NATD1: variants seen among roughly 807,000 people sequenced by gnomAD.
NATD1 encodes N-acetyltransferase domain containing 1.
In NATD1, 9 loss-of-function variants were observed where a neutral mutation model predicts 12.0. The observed-to-expected ratio is 0.75, with a 90% confidence interval of 0.45 to 1.30. The LOEUF (loss-of-function observed/expected upper bound fraction) is 1.30. Among genes scored for constraint, NATD1 ranks in the 50% most tolerant of loss-of-function variants. The probability of loss-of-function intolerance (pLI) is 0.00; values close to 1 mark genes in which losing one functional copy is unlikely to be tolerated. For missense variants in NATD1, 148 were observed against 148.5 expected (o/e 1.00, Z 0.02); for synonymous variants, 71 against 65.9 (o/e 1.08, Z -0.37).
At chr17:21,243,933 G>A (rs1463852438) in intron 2 of NATD1, among the ~76,000 whole-genome samples, 173 bp downstream of exon 2, 1 of 152,144 alleles carries the variant, frequency 6.6e-6, no homozygotes, top group African/African-American at 2.4e-5. Flanking sequence ...GCTCAGCCAC[G>A]CCAGGGTCTT....
intron 1 of NATD1, among the ~76,000 whole-genome samples, chr17:21,246,640 T>C (rs1389429758): frequency 6.6e-6 from 1 of 152,018 alleles, no homozygotes; most frequent in African/African-American, 2.4e-5. Context: ...TGAGATATGA[T>C]TGTTATCACT....
At position 21,253,372 on chromosome 17, in the gene NATD1, G is replaced by T; in HGVS notation, c.-108C>A. 3.4e-6 allele frequency: 1 copy of T among 298,044 alleles called. No individual in the cohort carries two copies. The highest frequency in any genetic ancestry group is 4.9e-6 in the Non-Finnish European group (1 of 203,270). The allele number at this position is 298,044 out of a possible 1,614,324, so 18.5% of individuals were successfully genotyped here. A position where few individuals can be genotyped will look rare whatever the true frequency, so the allele number is the denominator to read the frequency against. ...GGCGCAGGCGGCAGGCGGTGGGGTA[G>T]TTACGGCCTGGGAGACCGCAGGCGG... is the stretch of plus-strand genomic sequence containing the variant. On this transcript the variant is annotated 5_prime_UTR_variant, in exon 1 of 3. Coordinates refer to ENST00000611551, the MANE Select transcript of NATD1 (RefSeq NM_152914.3).
chr17:21,252,718 C>A (rs1975389123), intron 1 of NATD1, among the ~76,000 whole-genome samples: 1 of 152,132 alleles, frequency 6.6e-6, no homozygotes, highest in African/African-American at 2.4e-5. Flanking sequence ...GGGGACAGGT[C>A]ACGGCTGACC....
intron 1 of NATD1, among the ~76,000 whole-genome samples, chr17:21,247,243 G>A (rs1265442270): frequency 6.6e-6 from 1 of 152,240 alleles, no homozygotes; most frequent in African/African-American, 2.4e-5. Context: ...AGACACCCAA[G>A]AAATGTTTGT....
chr17:21,245,629 C>T (rs74587890), intron 1 of NATD1, among the ~76,000 whole-genome samples: 78 of 152,316 alleles, frequency 5.1e-4, no homozygotes, highest in African/African-American at 1.4e-3. Context: ...ATCCAAGTCA[C>T]ACAGCAGGCC....
At chr17:21,243,545 C>T in intron 2 of NATD1, 116 bp from the exon 3 acceptor site, 1 of 717,962 alleles carries the variant, frequency 1.4e-6, no homozygotes. Flanking sequence ...TTGCCCAGGT[C>T]AGTAACTCCC....
chr17:21,253,297 G>A lies in NATD1; in HGVS notation c.-33C>T. 8 of 927,058 alleles carry A rather than the reference G, an allele frequency of 8.6e-6. No homozygotes were observed. Among genetic ancestry groups the A allele is most frequent in the Non-Finnish European group, 1.0e-5 (8 of 777,692 alleles). 57.4% of individuals were successfully genotyped at this position (927,058 alleles called of 1,614,324 possible). On this transcript the variant is annotated 5_prime_UTR_variant, in exon 1 of 3. Coordinates refer to ENST00000611551, the MANE Select transcript of NATD1 (RefSeq NM_152914.3). Reference sequence around the variant, plus strand: ...CGGGGCTGCGGCGCGGCGCCGGCGGGGGCCGGGGCGCGCGGGGAAAGGTCA... The same window carrying A: ...CGGGGCTGCGGCGCGGCGCCGGCGGAGGCCGGGGCGCGCGGGGAAAGGTCA...
chr17:21,253,252 C>G lies in NATD1; in HGVS notation c.13G>C (p.Ala5Pro). Reference sequence around the variant, plus strand: ...AGCGCGCCCAGCGGCACGGCGGCAGCCGAGTGCGCCATCTGCGCGCGGGGC... The same window carrying G: ...AGCGCGCCCAGCGGCACGGCGGCAGGCGAGTGCGCCATCTGCGCGCGGGGC... MAHS[A>P]AAVPLGALEQ... Residue 5 changes from alanine (A) to proline (P), a missense_variant, in exon 1 of 3, where the codon GCT (alanine) becomes CCT (proline). Ala to Pro is a conservative substitution (Grantham distance 27). Coordinates refer to ENST00000611551, the MANE Select transcript of NATD1 (RefSeq NM_152914.3). 1 of 996,134 alleles carries G rather than the reference C, an allele frequency of 1.0e-6. No homozygotes were observed. Among genetic ancestry groups the G allele is most frequent in the Non-Finnish European group, 1.2e-6 (1 of 838,404 alleles). The allele number at this position is 996,134 out of a possible 1,614,324, so 61.7% of individuals were successfully genotyped here.
rs755635937 is a variant in NATD1 at position 21,244,190 on chromosome 17, G to C, written c.141C>G (p.Tyr47Ter). ...GCAGGTCCACGATCCGCTTGCCCAC[G>C]TACTCATAGAGCAGGACGGCCCGGT... ...CHDRAVLLYE[Y>*]VGKRIVDLQH... The change falls in exon 2 of 3, where the codon TAC (tyrosine) becomes TAG (stop). Residue 47 changes from tyrosine (Y) to a stop codon, truncating the protein, a stop_gained. Transcript: ENST00000611551. LOFTEE classifies it high-confidence loss of function. The surrounding 1 kb of genome is among the most constrained non-coding windows in gnomAD (Gnocchi z 5.2). 1.2e-6 allele frequency: 2 copies of C among 1,613,190 alleles called. No individual in the cohort carries two copies. The highest frequency in any genetic ancestry group is 1.7e-6 in the Non-Finnish European group (2 of 1,179,822).
rs751413208 is a variant in NATD1, at chr17:21,243,361, G to A, written c.294C>T (p.Tyr98=). ...AHLTCWYIQK[Y]VKENPLPQYL... Reference sequence around the variant, plus strand: ...ACTGCGGCAGGGGGTTCTCCTTGACGTACTTCTGGATGTACCAGCAGGTGA... The same window carrying A: ...ACTGCGGCAGGGGGTTCTCCTTGACATACTTCTGGATGTACCAGCAGGTGA... Residue 98 remains tyrosine (Y), a synonymous_variant, in exon 3 of 3, where the codon TAC becomes TAT. Coordinates refer to ENST00000611551, the MANE Select transcript of NATD1 (RefSeq NM_152914.3). 69 of 1,613,316 alleles carry A rather than the reference G, an allele frequency of 4.3e-5. No individual in the cohort carries two copies. Among genetic ancestry groups the A allele is most frequent in the Admixed American group, 6.7e-5 (4 of 60,004 alleles).
At chr17:21,246,311 C>T (rs1342323059) in intron 1 of NATD1, among the ~76,000 whole-genome samples, 4 of 152,010 alleles carry the variant, frequency 2.6e-5, no homozygotes, top group East Asian at 1.9e-4. Context: ...TTCAGGAGTT[C>T]GAGACCAGCC....
chr17:21,253,029 C>A (rs1426346823), intron 1 of NATD1, 130 bp downstream of exon 1: 9 of 350,662 alleles, frequency 2.6e-5, no homozygotes, highest in Non-Finnish European at 3.6e-5. Context: ...GCGCTTGCAA[C>A]AGCCTTCCCG....
chr17:21,239,068 G>A lies in NATD1; in HGVS notation c.*4245C>T, dbSNP rs2042394349. The A allele has an allele frequency of 6.6e-6, 1 of 152,164 alleles. No individual in the cohort carries two copies. The highest frequency in any genetic ancestry group is 6.5e-5 in the Admixed American group (1 of 15,276). 9.4% of individuals were successfully genotyped at this position (152,164 alleles called of 1,614,324 possible). On this transcript the variant is annotated 3_prime_UTR_variant, in exon 3 of 3. Transcript: ENST00000611551. ...CCTGAGAATCGTAAAGGGATATTTG[G>A]GTGGACTTGAGCAAATCCAAGAACC...
At chr17:21,246,499 G>A (rs1456907678) in intron 1 of NATD1, among the ~76,000 whole-genome samples, 1 of 149,540 alleles carries the variant, frequency 6.7e-6, no homozygotes, top group Non-Finnish European at 1.5e-5. Flanking sequence ...GGGCAACAAG[G>A]GCAAAACTCC....
At chr17:21,249,999 G>A (rs755217738) in intron 1 of NATD1, among the ~76,000 whole-genome samples, 1 of 152,204 alleles carries the variant, frequency 6.6e-6, no homozygotes, top group Non-Finnish European at 1.5e-5. Context: ...TTTCTCCCAC[G>A]CCTGTTTGCA....
chr17:21,248,758 G>C (rs990439266), intron 1 of NATD1, among the ~76,000 whole-genome samples: 2 of 152,178 alleles, frequency 1.3e-5, no homozygotes, highest in African/African-American at 4.8e-5. Context: ...AGCACAGGGG[G>C]GCAAGACTTG....
In NATD1 at chr17:21,243,373, G is replaced by T. The variant is rs781066455; in HGVS notation, c.282C>A (p.Tyr94Ter). Reference protein sequence around the residue: ...EDLKAHLTCWYIQKYVKENPL... With the variant: ...EDLKAHLTCW ...GGTTCTCCTTGACGTACTTCTGGATGTACCAGCAGGTGAGATGGGCCTTCA... is the reference window on the plus strand; with the variant it reads ...GGTTCTCCTTGACGTACTTCTGGATTTACCAGCAGGTGAGATGGGCCTTCA... The change falls in exon 3 of 3, where the codon TAC (tyrosine) becomes TAA (stop). Residue 94 changes from tyrosine (Y) to a stop codon, truncating the protein, a stop_gained. Coordinates refer to ENST00000611551, the MANE Select transcript of NATD1 (RefSeq NM_152914.3). LOFTEE classifies it high-confidence loss of function. 1 of 1,613,452 alleles carries T rather than the reference G, an allele frequency of 6.2e-7. No homozygotes were observed. The highest frequency in any genetic ancestry group is 8.5e-7 in the Non-Finnish European group (1 of 1,179,996).
At chr17:21,249,357 G>A (rs1204694372) in intron 1 of NATD1, among the ~76,000 whole-genome samples, 1 of 152,206 alleles carries the variant, frequency 6.6e-6, no homozygotes, top group Non-Finnish European at 1.5e-5. Context: ...TCAGGGAGGT[G>A]CCACATGTTG....
In NATD1 at chr17:21,239,747, C is replaced by T. The variant is rs1487535580; in HGVS notation, c.*3566G>A. On this transcript the variant is annotated 3_prime_UTR_variant, in exon 3 of 3. Transcript: ENST00000611551. Reference sequence around the variant, plus strand: ...GAGGTTGCAGTGAGCTGAGATCGCACCTCTGCACTCCAGCCTGGGCGACAG... The same window carrying T: ...GAGGTTGCAGTGAGCTGAGATCGCATCTCTGCACTCCAGCCTGGGCGACAG... The T allele has an allele frequency of 6.6e-6, 1 of 152,240 alleles. No individual in the cohort carries two copies. Among genetic ancestry groups the T allele is most frequent in the African/African-American group, 2.4e-5 (1 of 41,452 alleles). The allele number at this position is 152,240 out of a possible 1,614,324, so 9.4% of individuals were successfully genotyped here.
Sources: allele counts gnomAD v4.1 joint callset (sites outside exome capture counted in the v4.1 genomes callset), GRCh38; gene constraint gnomAD v4.1.1; non-coding constraint Gnocchi (gnomAD v3.1); transcripts MANE v1.5; gene names NCBI Gene and HGNC (gene_info 2026-07-23, HGNC 2026-07-21).